Variants in FBXO11 observed in about 807,000 individuals in gnomAD.
The protein encoded by FBXO11 is F-box only protein 11.
In FBXO11, 13 loss-of-function variants were observed where a neutral mutation model predicts 117.0. The ratio of observed to expected loss-of-function variants is 0.11; its 90% CI spans 0.07 to 0.18. FBXO11 has a LOEUF of 0.18. Among genes scored for constraint, FBXO11 ranks in the 10% least tolerant of loss-of-function variants. The probability of loss-of-function intolerance (pLI) is 1.00; values close to 1 mark genes in which losing one functional copy is unlikely to be tolerated. For missense variants in FBXO11, 767 were observed against 1,164.4 expected, an observed-to-expected ratio of 0.66 and a Z score of 4.97; for synonymous variants, 490 against 380.5, an observed-to-expected ratio of 1.29 and a Z score of -3.35.
chr2:47,824,922 C>T (rs909359028), intron 11 of FBXO11, among the ~76,000 whole-genome samples: 3 of 152,092 alleles, frequency 2.0e-5, no homozygotes, highest in African/African-American at 4.8e-5. Context: ...AAAATCCTTT[C>T]GGCACTAAGT....
At chr2:47,822,442 G>T in intron 12 of FBXO11, 139 bp from the exon 13 acceptor site, 1 of 576,836 alleles carries the variant, frequency 1.7e-6, no homozygotes. Context: ...TATTTCTAAG[G>T]CCTAAGACTT....
intron 1 of FBXO11, among the ~76,000 whole-genome samples, chr2:47,867,789 A>G (rs1675308733): frequency 6.6e-6 from 1 of 152,238 alleles, no homozygotes; most frequent in African/African-American, 2.4e-5. Context: ...ATACATACAT[A>G]CATACATATT....
chr2:47,900,606 A>G lies in FBXO11; in HGVS notation c.232+4883T>C, dbSNP rs1490177577. ...CATATATACGTATATACACACGTAT[A>G]CACACGTATATACACACGTATACAC... On this transcript the variant is annotated intron_variant, in intron 1 of 22. Transcript: ENST00000403359. Among the ~76,000 whole-genome samples the G allele has an allele frequency of 3.7e-5, 5 of 135,802 alleles. 1 individual carries two copies. The highest frequency in any genetic ancestry group is 4.9e-5 in the Non-Finnish European group (3 of 61,748). 89.1% of individuals were successfully genotyped at this position (135,802 alleles called of 152,430 possible).
At chr2:47,863,400 G>A (rs538933918) in intron 1 of FBXO11, among the ~76,000 whole-genome samples, 24 of 151,764 alleles carry the variant, frequency 1.6e-4, no homozygotes, top group African/African-American at 3.2e-4. Context: ...TAAACAGCTC[G>A]TTTACATGGC....
chr2:47,891,135 T>C (rs916451845), intron 1 of FBXO11, among the ~76,000 whole-genome samples: 3 of 152,174 alleles, frequency 2.0e-5, no homozygotes, highest in African/African-American at 7.2e-5. Context: ...TACTTTTTAC[T>C]TTATTCTCAT....
chr2:47,822,467 T>C (rs376202059), intron 12 of FBXO11, among the ~76,000 whole-genome samples, 164 bp from the exon 13 acceptor site: 1 of 152,348 alleles, frequency 6.6e-6, no homozygotes, highest in African/African-American at 2.4e-5. Context: ...AAAGTCAGAC[T>C]ACTATTTGAA....
intron 5 of FBXO11, 77 bp from the exon 6 acceptor site, chr2:47,834,948 A>C: frequency 1.0e-6 from 1 of 977,054 alleles, no homozygotes; most frequent in South Asian, 1.5e-5. Context: ...CAATTGCATG[A>C]ACAACTTTTA....
chr2:47,878,200 C>T (rs1253442822), intron 1 of FBXO11, among the ~76,000 whole-genome samples: 2 of 152,132 alleles, frequency 1.3e-5, no homozygotes, highest in Non-Finnish European at 2.9e-5. Flanking sequence ...GTAATAAAAA[C>T]AGGCTGTTCA....
chr2:47,815,200 A>G (rs1376352215), intron 16 of FBXO11, among the ~76,000 whole-genome samples: 1 of 152,136 alleles, frequency 6.6e-6, no homozygotes, highest in Non-Finnish European at 1.5e-5. Context: ...GGTTTGATGA[A>G]TGAACATCCA....
At chr2:47,894,039 T>C (rs1004891477) in intron 1 of FBXO11, among the ~76,000 whole-genome samples, 1 of 152,210 alleles carries the variant, frequency 6.6e-6, no homozygotes, top group Non-Finnish European at 1.5e-5. Flanking sequence ...AAGGCTACCA[T>C]ATCATCAATT....
chr2:47,817,569 CAT>C (rs1309866407), intron 16 of FBXO11, among the ~76,000 whole-genome samples: 1 of 152,204 alleles, frequency 6.6e-6, no homozygotes, highest in Non-Finnish European at 1.5e-5. Flanking sequence ...AGCCTTTAGA[CAT>C]ACTTTCCTCA....
Position 47,826,611 on chromosome 2 carries a change from A to G in FBXO11, c.1399-3251T>C, listed in dbSNP as rs115547425. ...ACATTGTATCCTTTCAGTGTAGTTT[A>G]ACCTTAATTTTGGTTAGATTAGTGT... On this transcript the variant is annotated intron_variant, in intron 11 of 22. Transcript: ENST00000403359. 4.3e-3 allele frequency among the ~76,000 whole-genome samples: 660 copies of G among 152,312 alleles called. 4 individuals carry two copies. The highest frequency in any genetic ancestry group is 0.014 in the Middle Eastern group (4 of 294).
At chr2:47,838,805 T>C in intron 4 of FBXO11, 54 bp downstream of exon 4, 1 of 1,550,912 alleles carries the variant, frequency 6.4e-7, no homozygotes, top group Non-Finnish European at 8.8e-7. Context: ...ATGTTTAGCA[T>C]TTTGGGCAAC....
intron 1 of FBXO11, among the ~76,000 whole-genome samples, chr2:47,849,282 A>C (rs539100400): frequency 3.3e-5 from 5 of 152,368 alleles, no homozygotes; most frequent in African/African-American, 1.2e-4. Flanking sequence ...AAAACTTTTT[A>C]AAAGCTTGAC....
intron 1 of FBXO11, among the ~76,000 whole-genome samples, chr2:47,900,703 CGT>C (rs755259185): frequency 9.6e-6 from 1 of 104,192 alleles, no homozygotes; most frequent in Admixed American, 8.9e-5. Context: ...TATACACACA[CGT>C]GTATATATAT....
chr2:47,807,891 T>TC lies in FBXO11; in HGVS notation c.*226dup. The TC allele has an allele frequency of 2.3e-6, 1 of 435,562 alleles. No individual in the cohort carries two copies. The highest frequency in any genetic ancestry group is 6.3e-4 in the Middle Eastern group (1 of 1,596). 27.0% of individuals were successfully genotyped at this position (435,562 alleles called of 1,614,324 possible). ...GCTTATTTTCTTCACTTCTGTCCCTTCAAGTCTTTACACAGTAATGCTAAA... is the reference window on the plus strand; with the variant it reads ...GCTTATTTTCTTCACTTCTGTCCCTTCCAAGTCTTTACACAGTAATGCTAAA... On this transcript the variant is annotated 3_prime_UTR_variant, in exon 23 of 23. Coordinates refer to ENST00000403359, the MANE Select transcript of FBXO11 (RefSeq NM_001190274.2).
chr2:47,840,853 T>TA lies in FBXO11; in HGVS notation c.233-1085dup, dbSNP rs544206772. ...GAGTTCATAATAATACTTTAAAAATTAAAAAAAAAAAAAGATTATTTGAAA... is the reference window on the plus strand; with the variant it reads ...GAGTTCATAATAATACTTTAAAAATTAAAAAAAAAAAAAAGATTATTTGAAA... On this transcript the variant is annotated intron_variant, in intron 1 of 22. Coordinates refer to ENST00000403359, the MANE Select transcript of FBXO11 (RefSeq NM_001190274.2). 1.8e-3 allele frequency among the ~76,000 whole-genome samples: 244 copies of TA among 137,042 alleles called. 1 individual carries two copies. Among genetic ancestry groups the TA allele is most frequent in the African/African-American group, 3.8e-3 (140 of 37,028 alleles). The allele number at this position is 137,042 out of a possible 152,430, so 89.9% of individuals were successfully genotyped here.
At chr2:47,882,384 G>A (rs956450717) in intron 1 of FBXO11, among the ~76,000 whole-genome samples, 3 of 152,114 alleles carry the variant, frequency 2.0e-5, no homozygotes, top group African/African-American at 7.2e-5. Flanking sequence ...GATCTTTCTG[G>A]TCAGTTTTCC....
chr2:47,850,928 T>G (rs1673810721), intron 1 of FBXO11, among the ~76,000 whole-genome samples: 1 of 152,216 alleles, frequency 6.6e-6, no homozygotes, highest in South Asian at 2.1e-4. Context: ...CGTTCAATAT[T>G]TCCTAAGAGT....
Sources: allele counts gnomAD v4.1 joint callset (sites outside exome capture counted in the v4.1 genomes callset), GRCh38; gene constraint gnomAD v4.1.1; transcripts MANE v1.5; gene names NCBI Gene and HGNC (gene_info 2026-07-23, HGNC 2026-07-21).